MAP6: variants seen among roughly 807,000 people sequenced by gnomAD.
MAP6 encodes microtubule associated protein 6.
In MAP6, 26 loss-of-function variants were observed where a neutral mutation model predicts 42.4. The observed-to-expected ratio is 0.61, with a 90% confidence interval of 0.45 to 0.85. The LOEUF (loss-of-function observed/expected upper bound fraction) is 0.85, where lower values mean the gene tolerates loss of function less well. Ranked by LOEUF, MAP6 falls within the 40% of genes least tolerant of loss-of-function variation. The pLI is 0.00. For missense variants in MAP6, 966 were observed against 1,099.0 expected (o/e 0.88, Z 1.71); for synonymous variants, 418 against 443.8 (o/e 0.94, Z 0.73).
intron 3 of MAP6, 41 bp from the exon 4 acceptor site, chr11:75,588,225 C>A: frequency 6.4e-7 from 1 of 1,562,128 alleles, no homozygotes. Context: ...GAGTAGAGCT[C>A]AGGCAGGGAC....
intron 1 of MAP6, among the ~76,000 whole-genome samples, chr11:75,652,272 AG>A (rs767055187): frequency 5.3e-5 from 8 of 152,154 alleles, no homozygotes; most frequent in Admixed American, 3.9e-4. Flanking sequence ...GTCTAGACTA[AG>A]GCTATAAAGC....
chr11:75,641,586 A>G (rs1943472813), intron 1 of MAP6, among the ~76,000 whole-genome samples: 1 of 152,144 alleles, frequency 6.6e-6, no homozygotes, highest in Non-Finnish European at 1.5e-5. Flanking sequence ...TGTGATTCCA[A>G]TGTAAGTGGT....
intron 3 of MAP6, among the ~76,000 whole-genome samples, chr11:75,597,456 G>A (rs879643225): frequency 5.3e-5 from 8 of 152,210 alleles, no homozygotes; most frequent in Non-Finnish European, 1.0e-4. Flanking sequence ...AGGCATTCTC[G>A]ATTGTTTTAG....
intron 1 of MAP6, among the ~76,000 whole-genome samples, chr11:75,632,505 C>T (rs1294965059): frequency 6.6e-6 from 1 of 152,178 alleles, no homozygotes; most frequent in Admixed American, 6.5e-5. Context: ...CATCCATCTT[C>T]CTCTTTCCTT....
chr11:75,638,011 T>C (rs79257764), intron 1 of MAP6, among the ~76,000 whole-genome samples: 2,407 of 152,226 alleles, frequency 0.016, 54 homozygotes, highest in African/African-American at 0.056. Flanking sequence ...AAATGTCCAA[T>C]AATAGGGGAA....
At chr11:75,597,834 A>G (rs1036865054) in intron 3 of MAP6, among the ~76,000 whole-genome samples, 11 of 152,350 alleles carry the variant, frequency 7.2e-5, no homozygotes, top group Admixed American at 5.9e-4. Flanking sequence ...CCAACACTAG[A>G]TGGCGTTAAT....
At chr11:75,592,629 G>A (rs640277) in intron 3 of MAP6, among the ~76,000 whole-genome samples, 109,102 of 151,828 alleles carry the variant, frequency 0.72, 39,471 homozygotes, top group African/African-American at 0.79. Flanking sequence ...ACAGCCTCCT[G>A]ACTGCTGTCC....
intron 1 of MAP6, among the ~76,000 whole-genome samples, chr11:75,646,517 A>T (rs1943555761): frequency 6.6e-6 from 1 of 150,808 alleles, no homozygotes; most frequent in Non-Finnish European, 1.5e-5. Flanking sequence ...AAAAAAAAAA[A>T]AAAAAAGGCA....
intron 1 of MAP6, among the ~76,000 whole-genome samples, chr11:75,653,975 T>C (rs1943695205): frequency 6.6e-6 from 1 of 152,224 alleles, no homozygotes; most frequent in Non-Finnish European, 1.5e-5. Flanking sequence ...CTTTCATTCA[T>C]TTGTTCAATT....
chr11:75,588,103 C>T lies in MAP6; in HGVS notation c.1398G>A (p.Val466=). The T allele has an allele frequency of 6.2e-6, 10 of 1,614,090 alleles. No homozygotes were observed. Among genetic ancestry groups the T allele is most frequent in the Non-Finnish European group, 8.5e-6 (10 of 1,180,018 alleles). ...CTTGACCTTTCAGAAGGCCTGGGACCACAGAACCTTGATCCTTGTCTGGCT... is the reference window on the plus strand; with the variant it reads ...CTTGACCTTTCAGAAGGCCTGGGACTACAGAACCTTGATCCTTGTCTGGCT... ...ATEPDKDQGS[V]VPGLLKGQGP... Residue 466 remains valine, a synonymous_variant, in exon 4 of 4, where the codon GTG becomes GTA. Coordinates refer to ENST00000304771, the MANE Select transcript of MAP6 (RefSeq NM_033063.2).
rs1055274227 is a variant in MAP6, at chr11:75,608,044, G to A, written c.1119+65C>T. 6.0e-6 allele frequency: 9 copies of A among 1,498,118 alleles called. No individual in the cohort carries two copies. In the African/African-American group the frequency reaches 1.1e-4, roughly 18 times the overall value. 92.8% of individuals were successfully genotyped at this position (1,498,118 alleles called of 1,614,324 possible). A position where few individuals can be genotyped will look rare whatever the true frequency, so the allele number is the denominator to read the frequency against. On this transcript the variant is annotated intron_variant, in intron 2 of 3. Coordinates refer to ENST00000304771, the MANE Select transcript of MAP6 (RefSeq NM_033063.2). Reference sequence around the variant, plus strand: ...CAGATTTGACAGCAGCCCACCCCATGCTCTGCTGCAGTTAACCCTTATGGT... The same window carrying A: ...CAGATTTGACAGCAGCCCACCCCATACTCTGCTGCAGTTAACCCTTATGGT...
intron 1 of MAP6, among the ~76,000 whole-genome samples, chr11:75,624,564 C>T (rs183057161): frequency 2.0e-4 from 31 of 152,172 alleles, no homozygotes; most frequent in African/African-American, 6.5e-4. Context: ...CCACGAGCTG[C>T]CCTGTAGATG....
chr11:75,665,592 T>G (rs1943933208), intron 1 of MAP6, among the ~76,000 whole-genome samples: 1 of 152,188 alleles, frequency 6.6e-6, no homozygotes, highest in African/African-American at 2.4e-5. Flanking sequence ...AGACGTGGGC[T>G]TCTCAGGGTA....
chr11:75,644,319 T>C (rs1943522047), intron 1 of MAP6, among the ~76,000 whole-genome samples: 1 of 152,194 alleles, frequency 6.6e-6, no homozygotes, highest in African/African-American at 2.4e-5. Context: ...TCAACCTCTC[T>C]GAATCTATCT....
chr11:75,590,732 C>T (rs1942462152), intron 3 of MAP6, among the ~76,000 whole-genome samples: 2 of 151,986 alleles, frequency 1.3e-5, no homozygotes, highest in African/African-American at 4.8e-5. Flanking sequence ...TTTGGGAGGC[C>T]GAGGCGGGCA....
chr11:75,626,429 G>C (rs1411581742), intron 1 of MAP6, among the ~76,000 whole-genome samples: 1 of 152,188 alleles, frequency 6.6e-6, no homozygotes, highest in Non-Finnish European at 1.5e-5. Flanking sequence ...CCTAAGAGCA[G>C]AGGAGTGACG....
chr11:75,645,255 T>G (rs1044174918), intron 1 of MAP6, among the ~76,000 whole-genome samples: 4 of 150,392 alleles, frequency 2.7e-5, no homozygotes, highest in African/African-American at 9.8e-5. Context: ...AACTCATGCA[T>G]GAAGCAGGGC....
At chr11:75,657,351 T>C (rs1245355396) in intron 1 of MAP6, among the ~76,000 whole-genome samples, 1 of 152,168 alleles carries the variant, frequency 6.6e-6, no homozygotes, top group Non-Finnish European at 1.5e-5. Flanking sequence ...GACCTCGTGA[T>C]CCGCCCGCCT....
chr11:75,667,983 C>A lies in MAP6; in HGVS notation c.387G>T (p.Lys129Asn). The A allele has an allele frequency of 7.9e-7, 1 of 1,267,878 alleles. No homozygotes were observed. 78.5% of individuals were successfully genotyped at this position (1,267,878 alleles called of 1,614,324 possible). A position where few individuals can be genotyped will look rare whatever the true frequency, so the allele number is the denominator to read the frequency against. The change falls in exon 1 of 4, where the codon AAG becomes AAT. Residue 129 changes from lysine to asparagine, a missense_variant. Around this residue, in one of 2 missense-constraint regions of MAP6, gnomAD observed 943 missense variants for 1,049.9 expected, o/e 0.90. Transcript: ENST00000304771. The surrounding 1 kb of genome is among the most constrained non-coding windows in gnomAD (Gnocchi z 5.6). Reference protein sequence around the residue: ...SVMRQDYRAWKVQRPEPSCRP... With the variant: ...SVMRQDYRAWNVQRPEPSCRP... ...GGCAGCTGGGCTCGGGCCGCTGCAC[C>A]TTCCAGGCTCGGTAATCCTGCCGCA...
Sources: allele counts gnomAD v4.1 joint callset (sites outside exome capture counted in the v4.1 genomes callset), GRCh38; gene constraint gnomAD v4.1.1; regional missense constraint gnomAD v4.1.1; non-coding constraint Gnocchi (gnomAD v3.1); transcripts MANE v1.5; gene names NCBI Gene and HGNC (gene_info 2026-07-23, HGNC 2026-07-21).